Variants in HACD3 observed in about 807,000 individuals in gnomAD.
HACD3 encodes the protein very-long-chain (3R)-3-hydroxyacyl-CoA dehydratase 3.
A neutral mutation model predicts 55.2 loss-of-function variants in HACD3; 30 were observed. That is an observed-to-expected ratio of 0.54 (90% CI 0.41 to 0.74). The LOEUF (loss-of-function observed/expected upper bound fraction) is 0.74, where lower values mean the gene tolerates loss of function less well. Among genes scored for constraint, HACD3 ranks in the 30% least tolerant of loss-of-function variants. HACD3 has a pLI of 0.00. For missense variants in HACD3, 363 were observed against 440.1 expected (o/e 0.82, Z 1.57); for synonymous variants, 141 against 151.7 (o/e 0.93, Z 0.52).
In HACD3 at chr15:65,567,815, T is replaced by C. The variant is rs575013078; in HGVS notation, c.661-2276T>C. Among the ~76,000 whole-genome samples the C allele has an allele frequency of 2.4e-4, 36 of 152,266 alleles. No homozygotes were observed. The East Asian group carries it at 3.9e-3, about 16-fold the overall frequency. On this transcript the variant is annotated intron_variant, in intron 7 of 10. Coordinates refer to ENST00000261875, the MANE Select transcript of HACD3 (RefSeq NM_016395.4). Reference sequence around the variant, plus strand: ...TCACAGAAAGTCAAATACTAGATGATTCTGCTTACATGGGGTACTTAAAAT... The same window carrying C: ...TCACAGAAAGTCAAATACTAGATGACTCTGCTTACATGGGGTACTTAAAAT...
intron 1 of HACD3, among the ~76,000 whole-genome samples, chr15:65,543,568 A>G (rs1345901651): frequency 6.6e-6 from 1 of 152,192 alleles, no homozygotes; most frequent in African/African-American, 2.4e-5. Flanking sequence ...TTGAATTGGA[A>G]ACTTCACTAT....
chr15:65,539,093 A>G (rs751438204), intron 1 of HACD3, among the ~76,000 whole-genome samples: 1 of 152,162 alleles, frequency 6.6e-6, no homozygotes, highest in East Asian at 1.9e-4. Context: ...AGAACCTACA[A>G]TAGCTCCAAG....
intron 7 of HACD3, chr15:65,565,397 A>G (rs964430816): frequency 2.6e-5 from 4 of 152,266 alleles, no homozygotes; most frequent in Non-Finnish European, 5.9e-5. Context: ...GAGGTTCTCC[A>G]TGAGGGCCCC....
chr15:65,545,348 T>C (rs888884547), intron 1 of HACD3, among the ~76,000 whole-genome samples: 3 of 152,080 alleles, frequency 2.0e-5, no homozygotes, highest in Non-Finnish European at 4.4e-5. Context: ...ATATGATACA[T>C]TTTACAAGAC....
intron 1 of HACD3, among the ~76,000 whole-genome samples, chr15:65,538,956 A>G (rs1016191828): frequency 1.3e-5 from 2 of 152,246 alleles, no homozygotes; most frequent in Admixed American, 1.3e-4. Flanking sequence ...ACTGTTTTTT[A>G]GAATAATACT....
chr15:65,557,189 C>T (rs1427571071), intron 4 of HACD3, among the ~76,000 whole-genome samples: 1 of 152,140 alleles, frequency 6.6e-6, no homozygotes, highest in Non-Finnish European at 1.5e-5. Flanking sequence ...ATCAAGAGTA[C>T]ATACGGCCGG....
chr15:65,572,104 C>T, intron 9 of HACD3, 131 bp from the exon 10 acceptor site: 1 of 1,176,198 alleles, frequency 8.5e-7, no homozygotes, highest in South Asian at 1.4e-5. Flanking sequence ...CATGAGCTTT[C>T]TGTACAAAGG....
At chr15:65,531,928 T>C (rs1033420986) in intron 1 of HACD3, among the ~76,000 whole-genome samples, 4 of 152,116 alleles carry the variant, frequency 2.6e-5, no homozygotes, top group Non-Finnish European at 5.9e-5. Context: ...TATGGCACTT[T>C]GTCATCTCTT....
chr15:65,559,326 G>A (rs1596214020), intron 5 of HACD3, among the ~76,000 whole-genome samples: 1 of 152,194 alleles, frequency 6.6e-6, no homozygotes, highest in East Asian at 1.9e-4. Context: ...CTGGGCCCTT[G>A]ACTAAGAGCC....
rs749961093 is a variant in HACD3, at chr15:65,572,318, G to A, written c.964G>A (p.Val322Ile). The change falls in exon 10 of 11, where the codon GTT becomes ATT. Residue 322 changes from valine (V) to isoleucine (I), a missense_variant. Coordinates refer to ENST00000261875, the MANE Select transcript of HACD3 (RefSeq NM_016395.4). Reference sequence around the variant, plus strand: ...ATTGCCATATCCAGTGAAAATCAAAGTTAGATTTTCCTTTTTTCTTCAGAT... The same window carrying A: ...ATTGCCATATCCAGTGAAAATCAAAATTAGATTTTCCTTTTTTCTTCAGAT... ...FTLPYPVKIK[V>I]RFSFFLQIYL... 1 of 1,612,864 alleles carries A rather than the reference G, an allele frequency of 6.2e-7. No homozygotes were observed. Among genetic ancestry groups the A allele is most frequent in the South Asian group, 1.1e-5 (1 of 90,752 alleles).
rs562120636 is a variant in HACD3, at chr15:65,543,538, G to A, written c.88-8138G>A. Among the ~76,000 whole-genome samples the A allele has an allele frequency of 2.4e-4, 36 of 152,246 alleles. No homozygotes were observed. The East Asian group carries it at 3.9e-3, about 16-fold the overall frequency. On this transcript the variant is annotated intron_variant, in intron 1 of 10. Transcript: ENST00000261875. ...GATATAAATCTTAAATAACAAGGTA[G>A]GGAGAAGCCTTGTAAGAGCTTGAAT...
intron 4 of HACD3, among the ~76,000 whole-genome samples, chr15:65,558,101 G>A (rs987868619): frequency 1.4e-4 from 21 of 152,062 alleles, no homozygotes; most frequent in African/African-American, 5.1e-4. Flanking sequence ...TCTGGGTGCC[G>A]GGTATGCTCA....
intron 1 of HACD3, among the ~76,000 whole-genome samples, chr15:65,536,155 TGCAGGCA>T (rs1328046791): frequency 6.6e-6 from 1 of 152,164 alleles, no homozygotes; most frequent in Admixed American, 6.5e-5. Context: ...TAGCTGGGAC[TGCAGGCA>T]TGTGCCACTG....
At chr15:65,540,969 A>G (rs143327530) in intron 1 of HACD3, among the ~76,000 whole-genome samples, 3 of 152,164 alleles carry the variant, frequency 2.0e-5, no homozygotes, top group Middle Eastern at 3.4e-3. Context: ...GCCTTGATGG[A>G]CTCGTTGGAG....
intron 1 of HACD3, 121 bp downstream of exon 1, chr15:65,530,839 C>A: frequency 1.1e-6 from 1 of 942,886 alleles, no homozygotes; most frequent in Non-Finnish European, 1.5e-6. Context: ...ACAAGGTCGG[C>A]GACGCGGTGC....
rs536967147 is a variant in HACD3, at chr15:65,546,285, A to G, written c.88-5391A>G. 2.0e-3 allele frequency among the ~76,000 whole-genome samples: 309 copies of G among 152,312 alleles called. 1 individual carries two copies. Among genetic ancestry groups the G allele is most frequent in the African/African-American group, 7.0e-3 (293 of 41,564 alleles). The stretch of plus-strand genomic sequence containing the variant: ...CAGTAAATAACAAAAACAATTGAAC[A>G]TCTTTGAGACAATTGTTCATGTAGA... On this transcript the variant is annotated intron_variant, in intron 1 of 10. Transcript: ENST00000261875.
At chr15:65,532,630 C>T (rs1424653331) in intron 1 of HACD3, among the ~76,000 whole-genome samples, 1 of 137,700 alleles carries the variant, frequency 7.3e-6, no homozygotes, top group Non-Finnish European at 1.6e-5. Context: ...GAAACTCTGT[C>T]TCAAAAAAAA....
chr15:65,569,402 G>T (rs992486189), intron 7 of HACD3, among the ~76,000 whole-genome samples: 1 of 151,666 alleles, frequency 6.6e-6, no homozygotes, highest in Admixed American at 6.6e-5. Context: ...ACATACACAA[G>T]CAGTAATTCA....
chr15:65,536,570 C>G (rs974536960), intron 1 of HACD3, among the ~76,000 whole-genome samples: 1 of 152,104 alleles, frequency 6.6e-6, no homozygotes, highest in Non-Finnish European at 1.5e-5. Context: ...GCCTGGCCAA[C>G]ATGGTGAAAC....
Sources: gnomAD v4.1 joint callset for allele counts (sites outside exome capture counted in the v4.1 genomes callset) on GRCh38, gnomAD v4.1.1 for gene constraint, MANE v1.5 for transcripts, NCBI Gene and HGNC (gene_info 2026-07-23, HGNC 2026-07-21) for gene names.